HK1: variants seen among roughly 807,000 people sequenced by gnomAD.
The protein encoded by HK1 is hexokinase-1.
In HK1, 28 loss-of-function variants were observed where a neutral mutation model predicts 91.6. The observed-to-expected ratio is 0.31, with a 90% CI of 0.23 to 0.42. The LOEUF (loss-of-function observed/expected upper bound fraction) is 0.42, where lower values mean the gene tolerates loss of function less well. HK1 is among the 10% of genes least tolerant of loss of function. The probability of loss-of-function intolerance (pLI) is 1.00; values close to 1 mark genes in which losing one functional copy is unlikely to be tolerated. For missense variants in HK1, 770 were observed against 1,219.8 expected, an observed-to-expected ratio of 0.63 and a Z score of 5.49; for synonymous variants, 430 against 468.1, an observed-to-expected ratio of 0.92 and a Z score of 1.05.
At chr10:69,286,640 C>A (rs755303075) in intron 2 of HK1, among the ~76,000 whole-genome samples, 2 of 152,026 alleles carry the variant, frequency 1.3e-5, no homozygotes, top group Non-Finnish European at 2.9e-5. Flanking sequence ...CCTCCGCCTC[C>A]CAGGTTCAAG....
At chr10:69,292,723 TTTTTCCCCCAG>T (rs1845354042) in intron 3 of HK1, among the ~76,000 whole-genome samples, 4 of 152,272 alleles carry the variant, frequency 2.6e-5, no homozygotes, top group South Asian at 4.2e-4. Flanking sequence ...CGTATTCGTA[TTTTTCCCCCAG>T]TTTTCCCCCA....
At chr10:69,391,421 A>G (rs984000311) in intron 14 of HK1, among the ~76,000 whole-genome samples, 1 of 152,216 alleles carries the variant, frequency 6.6e-6, no homozygotes, top group African/African-American at 2.4e-5. Flanking sequence ...GCGAGAGGGT[A>G]GCTCGAGCCC....
chr10:69,316,824 C>T (rs1028856208), upstream of HK1, among the ~76,000 whole-genome samples: 6 of 152,230 alleles, frequency 3.9e-5, no homozygotes, highest in African/African-American at 1.4e-4. Context: ...GAGCAATTAG[C>T]AAAACATAGT....
Position 69,295,778 on chromosome 10 carries a change from A to G in HK1, c.-67+98A>G, listed in dbSNP as rs1249137601. The G allele has an allele frequency of 4.8e-6, 4 of 841,292 alleles. No homozygotes were observed. The South Asian group carries it at 5.6e-5, about 12-fold the overall frequency. 52.1% of individuals were successfully genotyped at this position (841,292 alleles called of 1,614,324 possible). A position where few individuals can be genotyped will look rare whatever the true frequency, so the allele number is the denominator to read the frequency against. Reference sequence around the variant, plus strand: ...TTGGGATAATGATTTTCAGCCAGCCAAGCAGCTGTGCAGTGGCTTCTCCAG... The same window carrying G: ...TTGGGATAATGATTTTCAGCCAGCCGAGCAGCTGTGCAGTGGCTTCTCCAG... On this transcript the variant is annotated intron_variant, in intron 4 of 21. Transcript: ENST00000360289.
At chr10:69,373,478 G>A (rs72807733) in intron 7 of HK1, among the ~76,000 whole-genome samples, 7,094 of 151,988 alleles carry the variant, frequency 0.047, 536 homozygotes, top group African/African-American at 0.16. Context: ...TCCTTGTCTC[G>A]CCCTTATATT....
In HK1 at chr10:69,382,476, GC is replaced by G. The variant is rs1564559392; in HGVS notation, c.1266-6del. On this transcript the variant is annotated splice_polypyrimidine_tract_variant and intron_variant, in intron 9 of 17. Coordinates refer to ENST00000359426, the MANE Select transcript of HK1 (RefSeq NM_000188.3). ...CCAGCTGTTGTGGAATGTCCCCCCT[GC>G]CCCCATAAGGTATTCCCGGCGTTTC... 8 of 1,614,082 alleles carry G rather than the reference GC, an allele frequency of 5.0e-6. No individual in the cohort carries two copies. Among genetic ancestry groups the G allele is most frequent in the Non-Finnish European group, 6.8e-6 (8 of 1,179,936 alleles).
chr10:69,401,007 C>T lies in HK1; in HGVS notation c.2626C>T (p.His876Tyr). Residue 876 changes from histidine to tyrosine, a missense_variant, in exon 18 of 18, where the codon CAC (histidine) becomes TAC (tyrosine). This residue lies in a region of HK1 where 78 missense variants were observed against 99.0 expected (regional missense o/e 0.79). Transcript: ENST00000359426. ...KLHPHFSRIM[H>Y]QTVKELSPKC... is the part of the protein sequence containing the mutation. ...CCTTTTTAGCTTCTCCAGAATCATG[C>T]ACCAGACGGTGAAGGAACTGTCACC... The T allele has an allele frequency of 1.2e-6, 2 of 1,614,260 alleles. No individual in the cohort carries two copies.
chr10:69,401,560 G>A lies in HK1; in HGVS notation c.*425G>A. Reference sequence around the variant, plus strand: ...GTATTATCACCAGCAGACACTGCCGGGCCTCCCTCCCGGGGGCACTGCCTG... The same window carrying A: ...GTATTATCACCAGCAGACACTGCCGAGCCTCCCTCCCGGGGGCACTGCCTG... On this transcript the variant is annotated 3_prime_UTR_variant, in exon 18 of 18. Coordinates refer to ENST00000359426, the MANE Select transcript of HK1 (RefSeq NM_000188.3). The A allele has an allele frequency of 2.8e-6, 1 of 352,938 alleles. No individual in the cohort carries two copies. The highest frequency in any genetic ancestry group is 5.6e-6 in the Non-Finnish European group (1 of 180,128). 21.9% of individuals were successfully genotyped at this position (352,938 alleles called of 1,614,324 possible).
At chr10:69,323,124 A>G (rs1847140597) in intron 1 of HK1, among the ~76,000 whole-genome samples, 1 of 150,420 alleles carries the variant, frequency 6.6e-6, no homozygotes, top group Admixed American at 6.6e-5. Context: ...CATGCACCTG[A>G]AGTCCCAGCT....
intron 2 of HK1, among the ~76,000 whole-genome samples, chr10:69,356,882 CA>C (rs778360296): frequency 0.23 from 14,078 of 61,858 alleles, 330 homozygotes; most frequent in Non-Finnish European, 0.29. Context: ...AACTCCATCT[CA>C]AAAAAAAAAA....
rs1564746728 is a variant in HK1, at chr10:69,276,110, A to ATAT, written c.-391+6002_-391+6003insTAT. 3.3e-3 allele frequency among the ~76,000 whole-genome samples: 152 copies of ATAT among 45,468 alleles called. 3 individuals are homozygous for ATAT. Among genetic ancestry groups the ATAT allele is most frequent in the Non-Finnish European group, 5.0e-3 (116 of 23,370 alleles). The allele number at this position is 45,468 out of a possible 152,430, so 29.8% of individuals were successfully genotyped here. On this transcript the variant is annotated intron_variant, in intron 1 of 21. Transcript: ENST00000360289. ...CTTTTCAAAAAAAAAAAAAAAAAAAAAAAAAAAAATACATATATATATATA... is the reference window on the plus strand; with the variant it reads ...CTTTTCAAAAAAAAAAAAAAAAAAAATATAAAAAAAAATACATATATATATATA...
intron 1 of HK1, among the ~76,000 whole-genome samples, chr10:69,332,145 T>C (rs1282687054): frequency 6.6e-6 from 1 of 152,156 alleles, no homozygotes; most frequent in Non-Finnish European, 1.5e-5. Context: ...TGGCTCATAT[T>C]ATCTTCCTGT....
chr10:69,285,380 C>T (rs142246698), intron 2 of HK1, among the ~76,000 whole-genome samples: 61 of 152,068 alleles, frequency 4.0e-4, no homozygotes, highest in Admixed American at 2.8e-3. Context: ...GCCGAGATTG[C>T]GCCACTGCAC....
intron 5 of HK1, among the ~76,000 whole-genome samples, chr10:69,307,287 C>T (rs73263684): frequency 0.022 from 3,298 of 152,196 alleles, 121 homozygotes; most frequent in African/African-American, 0.075. Context: ...CCCCACCCCC[C>T]GGGGGAGGGC....
In HK1 at chr10:69,343,875, G is replaced by C; in HGVS notation, c.112G>C (p.Asp38His). The change falls in exon 2 of 18, where the codon GAT becomes CAT. Residue 38 changes from aspartate (D) to histidine (H), a missense_variant. This residue lies in a region of HK1 where 449 missense variants were observed against 665.1 expected (regional missense o/e 0.68). Transcript: ENST00000359426. Reference protein sequence around the residue: ...AMRLSDETLIDIMTRFRKEMK... With the variant: ...AMRLSDETLIHIMTRFRKEMK... The stretch of plus-strand genomic sequence containing the variant: ...GCGGCTCTCCGATGAAACTCTCATA[G>C]ATATCATGACTCGCTTCAGGAAGGA... 1 of 1,613,992 alleles carries C rather than the reference G, an allele frequency of 6.2e-7. No homozygotes were observed. Among genetic ancestry groups the C allele is most frequent in the Non-Finnish European group, 8.5e-7 (1 of 1,179,940 alleles).
intron 2 of HK1, among the ~76,000 whole-genome samples, chr10:69,359,095 C>T (rs1483761375): frequency 1.3e-5 from 2 of 151,808 alleles, no homozygotes; most frequent in African/African-American, 4.8e-5. Flanking sequence ...ATGGATGAAC[C>T]TTGAAAACGT....
In HK1 at chr10:69,294,015, C is replaced by T. The variant is rs368557066; in HGVS notation, c.-114-1618C>T. 2.6e-3 allele frequency among the ~76,000 whole-genome samples: 393 copies of T among 151,926 alleles called. 1 individual carries two copies. Among genetic ancestry groups the T allele is most frequent in the African/African-American group, 8.2e-3 (340 of 41,414 alleles). ...TAGCTGGGACTACAGGCGCCCACCA[C>T]CACGCCCGGCTGATTTTTTGTATTT... is the stretch of plus-strand genomic sequence containing the variant. On this transcript the variant is annotated intron_variant, in intron 3 of 21. Transcript: ENST00000360289.
chr10:69,396,298 G>GA (rs1426669612), intron 16 of HK1, among the ~76,000 whole-genome samples: 1 of 147,472 alleles, frequency 6.8e-6, no homozygotes, highest in African/African-American at 2.5e-5. Context: ...AGAAAGAAAA[G>GA]AAAAAAAATA....
chr10:69,373,728 C>G (rs1015572788), intron 7 of HK1, among the ~76,000 whole-genome samples: 1 of 151,576 alleles, frequency 6.6e-6, no homozygotes. Flanking sequence ...GTAGCTGGGA[C>G]CACAGGCAGC....
Sources: allele counts gnomAD v4.1 joint callset (sites outside exome capture counted in the v4.1 genomes callset), GRCh38; gene constraint gnomAD v4.1.1; regional missense constraint gnomAD v4.1.1; transcripts MANE v1.5; gene names NCBI Gene and HGNC (gene_info 2026-07-23, HGNC 2026-07-21).